Variants in MARCHF1 observed in about 807,000 individuals in gnomAD.
MARCHF1 encodes membrane associated ring-CH-type finger 1.
MARCHF1 carries 40 observed loss-of-function variants against 54.2 expected under a neutral mutation model. That is an observed-to-expected ratio of 0.74 (90% CI 0.57 to 0.96). MARCHF1 has a LOEUF of 0.96. Among genes scored for constraint, MARCHF1 ranks in the 40% least tolerant of loss-of-function variants. The pLI is 0.00. For missense variants in MARCHF1, 586 were observed against 656.5 expected (o/e 0.89, Z 1.17); for synonymous variants, 236 against 236.3 (o/e 1.00, Z 0.01).
chr4:163,599,888 C>T (rs906963519), intron 7 of MARCHF1, among the ~76,000 whole-genome samples: 9 of 152,198 alleles, frequency 5.9e-5, no homozygotes, highest in African/African-American at 2.2e-4. Flanking sequence ...TTGCAATTTT[C>T]CATACCAATG....
At chr4:163,670,644 A>G (rs1439023388) in intron 5 of MARCHF1, among the ~76,000 whole-genome samples, 1 of 150,944 alleles carries the variant, frequency 6.6e-6, no homozygotes. Flanking sequence ...ATAGCCTTAC[A>G]TTCATGCTTT....
At chr4:164,017,961 C>A (rs1249712319) in intron 2 of MARCHF1, among the ~76,000 whole-genome samples, 1 of 151,430 alleles carries the variant, frequency 6.6e-6, no homozygotes, top group Non-Finnish European at 1.5e-5. Context: ...ACAAATGGAT[C>A]AAGAGAAATA....
intron 1 of MARCHF1, among the ~76,000 whole-genome samples, chr4:164,185,435 T>C (rs60492172): frequency 0.16 from 23,820 of 152,144 alleles, 2,643 homozygotes; most frequent in African/African-American, 0.3. Context: ...GTCCTGCACA[T>C]GTCAAATAAG....
At chr4:164,005,326 G>A (rs1335532207) in intron 2 of MARCHF1, among the ~76,000 whole-genome samples, 1 of 152,086 alleles carries the variant, frequency 6.6e-6, no homozygotes, top group African/African-American at 2.4e-5. Context: ...CCAACAGATA[G>A]GACAACAGAC....
At chr4:164,345,384 T>C (rs1188858636) in intron 1 of MARCHF1, among the ~76,000 whole-genome samples, 1 of 152,034 alleles carries the variant, frequency 6.6e-6, no homozygotes, top group South Asian at 2.1e-4. Context: ...CTGGGGAACA[T>C]GGTGAATCCC....
chr4:163,708,772 A>C (rs1745022311), intron 4 of MARCHF1, among the ~76,000 whole-genome samples: 1 of 152,100 alleles, frequency 6.6e-6, no homozygotes, highest in Non-Finnish European at 1.5e-5. Flanking sequence ...TGGGTAGAGC[A>C]GTGGGAGGAA....
intron 5 of MARCHF1, among the ~76,000 whole-genome samples, chr4:163,652,501 G>C (rs987675428): frequency 4.0e-5 from 6 of 151,772 alleles, no homozygotes; most frequent in Non-Finnish European, 7.4e-5. Context: ...CTCTCCTCCA[G>C]CTCTCGGCAG....
chr4:164,210,469 C>T lies in MARCHF1; in HGVS notation c.-322-98807G>A, dbSNP rs77965648. 2.1e-3 allele frequency among the ~76,000 whole-genome samples: 326 copies of T among 152,154 alleles called. 7 individuals carry two copies. The highest frequency in any genetic ancestry group is 0.017 in the South Asian group (82 of 4,824). ...GAAAGATCAGGAGTTCAGTTTGAGGCATATTGAATTTGAGATGCCTGTATG... is the reference window on the plus strand; with the variant it reads ...GAAAGATCAGGAGTTCAGTTTGAGGTATATTGAATTTGAGATGCCTGTATG... On this transcript the variant is annotated intron_variant, in intron 1 of 9. Transcript: ENST00000514618.
chr4:163,665,752 A>G (rs1743510991), intron 5 of MARCHF1, among the ~76,000 whole-genome samples: 1 of 152,184 alleles, frequency 6.6e-6, no homozygotes, highest in South Asian at 2.1e-4. Flanking sequence ...CAGACAGAAT[A>G]AATCAGTGTT....
intron 1 of MARCHF1, among the ~76,000 whole-genome samples, chr4:164,315,001 C>A (rs1734958540): frequency 1.3e-5 from 2 of 151,980 alleles, no homozygotes; most frequent in Non-Finnish European, 2.9e-5. Flanking sequence ...AAGCCACTTG[C>A]CAGGTAAATG....
At position 164,140,225 on chromosome 4, in the gene MARCHF1, C is replaced by T. The variant is rs532153425; in HGVS notation, c.-322-28563G>A. On this transcript the variant is annotated intron_variant, in intron 1 of 9. Transcript: ENST00000514618. Reference sequence around the variant, plus strand: ...CATATATACACACACACTATATATACACATACACACACACTATATATATAT... The same window carrying T: ...CATATATACACACACACTATATATATACATACACACACACTATATATATAT... Among the ~76,000 whole-genome samples, 5 of 96,504 alleles carry T rather than the reference C, an allele frequency of 5.2e-5. No individual in the cohort carries two copies. The South Asian group carries it at 1.5e-3, about 30-fold the overall frequency. The allele number at this position is 96,504 out of a possible 152,430, so 63.3% of individuals were successfully genotyped here.
At chr4:164,280,180 A>C (rs997654515) in intron 1 of MARCHF1, among the ~76,000 whole-genome samples, 1 of 151,980 alleles carries the variant, frequency 6.6e-6, no homozygotes, top group African/African-American at 2.4e-5. Flanking sequence ...ATAATCCTGA[A>C]AAGGATATAT....
chr4:163,874,257 C>A (rs1397224967), intron 3 of MARCHF1, among the ~76,000 whole-genome samples: 2 of 152,128 alleles, frequency 1.3e-5, no homozygotes, highest in Non-Finnish European at 2.9e-5. Flanking sequence ...GTTTGGGCAG[C>A]CACGTGGCGG....
chr4:164,172,730 C>T (rs1046096114), intron 1 of MARCHF1, among the ~76,000 whole-genome samples: 2 of 152,168 alleles, frequency 1.3e-5, no homozygotes, highest in Non-Finnish European at 2.9e-5. Flanking sequence ...GTAATCCCAG[C>T]ACTTTGGGAG....
chr4:163,549,417 G>A (rs1259738611), intron 8 of MARCHF1, among the ~76,000 whole-genome samples: 1 of 151,946 alleles, frequency 6.6e-6, no homozygotes, highest in Non-Finnish European at 1.5e-5. Flanking sequence ...TCCCTTTCCC[G>A]TTTCCCAAAG....
rs560321198 is a variant in MARCHF1 at position 163,794,453 on chromosome 4, A to G, written c.111+59568T>C. ...ATAATACATTTGTATTGGCAAATAA[A>G]AAGTATAACACAAACTTATTATGTA... is the stretch of plus-strand genomic sequence containing the variant. On this transcript the variant is annotated intron_variant, in intron 4 of 9. Transcript: ENST00000514618. Among the ~76,000 whole-genome samples, 123 of 152,322 alleles carry G rather than the reference A, an allele frequency of 8.1e-4. 4 individuals carry two copies. The South Asian group carries it at 0.025, about 31-fold the overall frequency.
chr4:163,647,789 A>C (rs1024839794), intron 5 of MARCHF1, among the ~76,000 whole-genome samples: 1 of 151,902 alleles, frequency 6.6e-6, no homozygotes, highest in Non-Finnish European at 1.5e-5. Context: ...ATAGTAATAA[A>C]TATGTACATT....
chr4:164,048,477 G>A (rs771832096), intron 2 of MARCHF1, among the ~76,000 whole-genome samples: 3 of 151,804 alleles, frequency 2.0e-5, no homozygotes, highest in Non-Finnish European at 2.9e-5. Context: ...ATGAATCTTC[G>A]GCCAACAACT....
chr4:164,312,500 A>G (rs377633272), intron 1 of MARCHF1, among the ~76,000 whole-genome samples: 2 of 150,630 alleles, frequency 1.3e-5, no homozygotes, highest in African/African-American at 4.9e-5. Flanking sequence ...TTTTTTGTAT[A>G]TTTAGTAGAG....
Sources: gnomAD v4.1 joint callset for allele counts (sites outside exome capture counted in the v4.1 genomes callset) on GRCh38, gnomAD v4.1.1 for gene constraint, MANE v1.5 for transcripts, NCBI Gene and HGNC (gene_info 2026-07-23, HGNC 2026-07-21) for gene names.